LINGO1: variants seen among roughly 807,000 people sequenced by gnomAD.
LINGO1 encodes leucine-rich repeat and immunoglobulin-like domain-containing nogo receptor-interacting protein 1.
A neutral mutation model predicts 37.3 loss-of-function variants in LINGO1; 11 were observed. That is an observed-to-expected ratio of 0.29 (90% CI 0.19 to 0.49). The LOEUF (loss-of-function observed/expected upper bound fraction) is 0.49. LINGO1 is among the 20% of genes least tolerant of loss of function. LINGO1 has a pLI of 0.99. For missense variants in LINGO1, 585 were observed against 878.2 expected, an observed-to-expected ratio of 0.67 and a Z score of 4.22; for synonymous variants, 387 against 403.0, an observed-to-expected ratio of 0.96 and a Z score of 0.48.
intron 1 of LINGO1, among the ~76,000 whole-genome samples, chr15:77,691,143 TA>T (rs1418160353): frequency 6.6e-6 from 1 of 152,206 alleles, no homozygotes; most frequent in Non-Finnish European, 1.5e-5. Context: ...GATAGTGTGA[TA>T]AAAAAACTGA....
chr15:77,693,059 C>T (rs2075631750), intron 1 of LINGO1, among the ~76,000 whole-genome samples: 1 of 152,240 alleles, frequency 6.6e-6, no homozygotes, highest in Non-Finnish European at 1.5e-5. Context: ...CCAGCTTACA[C>T]ACCCATGTGC....
intron 3 of LINGO1, chr15:77,647,783 CTCTT>C: frequency 2.2e-6 from 1 of 447,664 alleles, no homozygotes; most frequent in South Asian, 1.6e-5. Context: ...ACCCCTCTCT[CTCTT>C]CTTTCCTTGT....
At chr15:77,698,964 C>G (rs1382838746), upstream of LINGO1, among the ~76,000 whole-genome samples, 1 of 152,254 alleles carries the variant, frequency 6.6e-6, no homozygotes, top group Admixed American at 6.5e-5. Context: ...GCTCTGTGCT[C>G]AATAGGAGGC....
chr15:77,639,197 G>A (rs2074451566), upstream of LINGO1, among the ~76,000 whole-genome samples: 1 of 152,086 alleles, frequency 6.6e-6, no homozygotes, highest in Non-Finnish European at 1.5e-5. Context: ...GAGAGGCCCT[G>A]AGCTAGAGGT....
At chr15:77,695,634 T>C (rs1455386991) in intron 1 of LINGO1, among the ~76,000 whole-genome samples, 1 of 152,030 alleles carries the variant, frequency 6.6e-6, no homozygotes, top group Non-Finnish European at 1.5e-5. Flanking sequence ...GGCAGGGAAA[T>C]GGGTTGAGGG....
rs2076609168 is a variant in LINGO1 at position 77,773,767 on chromosome 15, T to C, written c.-257+13102A>G. ...TAAGCATATGACCTCTCTCTGACTT[T>C]GCCCAGGGCAAAGCTTCTCTTCCAA... On this transcript the variant is annotated intron_variant, in intron 1 of 3. Transcript: ENST00000561686. 1.3e-5 allele frequency among the ~76,000 whole-genome samples: 2 copies of C among 151,650 alleles called. 1 individual carries two copies. Among genetic ancestry groups the C allele is most frequent in the South Asian group, 4.1e-4 (2 of 4,834 alleles).
chr15:77,623,853 CTG>C (rs59528630), intron 1 of LINGO1, among the ~76,000 whole-genome samples: 23,500 of 145,722 alleles, frequency 0.16, 3,384 homozygotes, highest in African/African-American at 0.4. Context: ...TGTGAGTGGC[CTG>C]TGTGTGTGTG....
At chr15:77,764,601 C>T (rs1304900917) in intron 1 of LINGO1, among the ~76,000 whole-genome samples, 1 of 152,200 alleles carries the variant, frequency 6.6e-6, no homozygotes, top group Non-Finnish European at 1.5e-5. Context: ...TGCTGAAGCT[C>T]AGCAGAGTTC....
At chr15:77,710,048 C>T (rs149924200) in intron 2 of LINGO1, among the ~76,000 whole-genome samples, 37 of 152,302 alleles carry the variant, frequency 2.4e-4, no homozygotes, top group East Asian at 2.1e-3. Flanking sequence ...GAGGAGTCCC[C>T]GTGGAGGAGG....
At chr15:77,646,512 G>T (rs748125971) in intron 3 of LINGO1, 111 of 450,502 alleles carry the variant, frequency 2.5e-4, no homozygotes, top group Non-Finnish European at 4.2e-4. Context: ...CCCAAATACG[G>T]TAAGTCTGTA....
chr15:77,686,920 G>C (rs1024748304), intron 2 of LINGO1, among the ~76,000 whole-genome samples: 17 of 152,248 alleles, frequency 1.1e-4, no homozygotes, highest in Non-Finnish European at 7.3e-5. Context: ...GATTCCTCTA[G>C]GCAATCCCAG....
chr15:77,815,949 C>T (rs1375757449), intron 1 of LINGO1, among the ~76,000 whole-genome samples: 12 of 152,188 alleles, frequency 7.9e-5, no homozygotes, highest in Non-Finnish European at 1.6e-4. Flanking sequence ...CCTTGCCCAG[C>T]GCTTCCCACC....
chr15:77,777,459 ACACACG>A (rs1206220888), intron 1 of LINGO1, among the ~76,000 whole-genome samples: 379 of 32,794 alleles, frequency 0.012, 7 homozygotes, highest in African/African-American at 0.022. Context: ...GGACATATAC[ACACACG>A]CACACACACA....
At chr15:77,791,609 C>A (rs767134562), upstream of LINGO1, among the ~76,000 whole-genome samples, 3 of 151,848 alleles carry the variant, frequency 2.0e-5, no homozygotes, top group Admixed American at 6.6e-5. Context: ...CAACAGGGAG[C>A]CACTGAAGGT....
chr15:77,634,970 C>T (rs1285525845), upstream of LINGO1, among the ~76,000 whole-genome samples: 1 of 152,158 alleles, frequency 6.6e-6, no homozygotes, highest in Non-Finnish European at 1.5e-5. Context: ...GCGCGGCCAC[C>T]ACATCTCTCC....
chr15:77,739,819 T>C (rs2076242449), intron 1 of LINGO1, among the ~76,000 whole-genome samples: 1 of 152,210 alleles, frequency 6.6e-6, no homozygotes, highest in African/African-American at 2.4e-5. Context: ...AGCACAGCGG[T>C]GGCTGGGATG....
At chr15:77,719,352 G>A (rs1195119900) in intron 2 of LINGO1, among the ~76,000 whole-genome samples, 1 of 149,782 alleles carries the variant, frequency 6.7e-6, no homozygotes, top group East Asian at 2.1e-4. Context: ...ATCTCCATTC[G>A]GTCCCTTTAG....
chr15:77,798,314 C>A (rs1359760169), intron 1 of LINGO1, among the ~76,000 whole-genome samples: 3 of 152,222 alleles, frequency 2.0e-5, no homozygotes, highest in East Asian at 3.9e-4. Context: ...CCAGTCAGGC[C>A]CAGGCCAACC....
At chr15:77,816,963 G>A (rs1299152239) in intron 1 of LINGO1, among the ~76,000 whole-genome samples, 2 of 130,404 alleles carry the variant, frequency 1.5e-5, no homozygotes, top group African/African-American at 5.2e-5. Context: ...CAGGTGAAGA[G>A]GAAGAGGAGC....
Sources: allele counts gnomAD v4.1 joint callset (sites outside exome capture counted in the v4.1 genomes callset), GRCh38; gene constraint gnomAD v4.1.1; transcripts MANE v1.5; gene names NCBI Gene and HGNC (gene_info 2026-07-23, HGNC 2026-07-21).